MACO1: variants seen among roughly 807,000 people sequenced by gnomAD.
MACO1 encodes macoilin 1.
In MACO1, 14 loss-of-function variants were observed where a neutral mutation model predicts 78.7. That is an observed-to-expected ratio of 0.18 (90% CI 0.12 to 0.28). The LOEUF (loss-of-function observed/expected upper bound fraction) is 0.28, where lower values mean the gene tolerates loss of function less well. MACO1 is among the 10% of genes least tolerant of loss of function. The pLI, the probability that MACO1 is intolerant of heterozygous loss-of-function variation, is 1.00. For synonymous variants in MACO1, 288 were observed against 291.6 expected, an observed-to-expected ratio of 0.99 and a Z score of 0.12; for missense variants, 501 against 799.0, an observed-to-expected ratio of 0.63 and a Z score of 4.50.
In MACO1 at chr1:25,498,510, C is replaced by CATT. The variant is rs575821384; in HGVS notation, c.*45_*47dup. 8.5e-6 allele frequency: 13 copies of CATT among 1,524,126 alleles called. No homozygotes were observed. The highest frequency in any genetic ancestry group is 4.2e-5 in the Admixed American group (2 of 47,384). The allele number at this position is 1,524,126 out of a possible 1,614,324, so 94.4% of individuals were successfully genotyped here. On this transcript the variant is annotated 3_prime_UTR_variant, in exon 11 of 11. Transcript: ENST00000374343. ...GCCCAAAAATTTGGTTACCGGAAGGCATTGCAAAGGAGCGTCTCTGGCAGT... is the reference window on the plus strand; with the variant it reads ...GCCCAAAAATTTGGTTACCGGAAGGCATTATTGCAAAGGAGCGTCTCTGGCAGT...
Position 25,487,858 on chromosome 1 carries a change from A to G in MACO1, c.1497-1315A>G, listed in dbSNP as rs142651023. ...AGTTTGCTGGATTGGGAAGCCAGAA[A>G]ATCTCAGTTCTTATCCCTATTCTAA... On this transcript the variant is annotated intron_variant, in intron 8 of 10. Transcript: ENST00000374343. Among the ~76,000 whole-genome samples the G allele has an allele frequency of 3.9e-3, 587 of 152,250 alleles. 3 individuals carry two copies. The highest frequency in any genetic ancestry group is 0.014 in the African/African-American group (563 of 41,528).
intron 6 of MACO1, among the ~76,000 whole-genome samples, chr1:25,472,390 G>T (rs1176602486): frequency 6.6e-6 from 1 of 151,298 alleles, no homozygotes; most frequent in Non-Finnish European, 1.5e-5. Flanking sequence ...ACAGGCCCCG[G>T]TGTGTGATGT....
intron 1 of MACO1, among the ~76,000 whole-genome samples, chr1:25,438,267 TTAACA>T (rs1441958045): frequency 6.6e-6 from 1 of 152,184 alleles, no homozygotes; most frequent in Non-Finnish European, 1.5e-5. Context: ...AAAAAACCTG[TTAACA>T]TTATATAAAC....
At chr1:25,468,670 A>G (rs935590984) in intron 6 of MACO1, among the ~76,000 whole-genome samples, 13 of 152,188 alleles carry the variant, frequency 8.5e-5, no homozygotes, top group Non-Finnish European at 1.5e-4. Context: ...TTGCTCCCAT[A>G]ATTAGTTCTG....
intron 6 of MACO1, among the ~76,000 whole-genome samples, chr1:25,483,055 T>C (rs1389448358): frequency 2.6e-5 from 4 of 152,332 alleles, no homozygotes; most frequent in Admixed American, 1.3e-4. Context: ...CGTTTGTTTG[T>C]TTTTTGTTTT....
At chr1:25,436,635 G>C (rs1464887291) in intron 1 of MACO1, among the ~76,000 whole-genome samples, 2 of 152,188 alleles carry the variant, frequency 1.3e-5, no homozygotes, top group Non-Finnish European at 2.9e-5. Context: ...GATTTCTTCA[G>C]ATGCTTAAGT....
intron 6 of MACO1, among the ~76,000 whole-genome samples, chr1:25,480,930 ATATATATATATATATATATATATAT>A (rs1478615674): frequency 3.3e-4 from 25 of 75,290 alleles, no homozygotes; most frequent in African/African-American, 1.2e-3. Flanking sequence ...AAAAAAAAAA[ATATATATATATATATATATATATAT>A]ATATATATAT....
chr1:25,473,910 C>T (rs1479053681), intron 6 of MACO1, among the ~76,000 whole-genome samples: 2 of 152,150 alleles, frequency 1.3e-5, no homozygotes, highest in Non-Finnish European at 2.9e-5. Flanking sequence ...TTTCACTTTT[C>T]TTGTTAGAGT....
At chr1:25,451,013 A>G (rs2043060312) in intron 3 of MACO1, among the ~76,000 whole-genome samples, 1 of 152,226 alleles carries the variant, frequency 6.6e-6, no homozygotes, top group South Asian at 2.1e-4. Flanking sequence ...AACCTATTGG[A>G]AACTAGTTCA....
chr1:25,459,019 TACATGA>T, intron 6 of MACO1, 127 bp downstream of exon 6: 7 of 1,247,832 alleles, frequency 5.6e-6, no homozygotes, highest in Non-Finnish European at 6.6e-6. Flanking sequence ...TGTGGTGTTT[TACATGA>T]GTTTGTTGGC....
chr1:25,447,089 T>G, intron 2 of MACO1, among the ~76,000 whole-genome samples, 186 bp downstream of exon 2: 1 of 152,176 alleles, frequency 6.6e-6, no homozygotes, highest in East Asian at 1.9e-4. Context: ...CCTCTCCCAT[T>G]CCAGTGAAAC....
At chr1:25,486,268 A>G (rs2043429997) in intron 8 of MACO1, among the ~76,000 whole-genome samples, 1 of 152,202 alleles carries the variant, frequency 6.6e-6, no homozygotes, top group East Asian at 1.9e-4. Context: ...AATGGATATC[A>G]GCAAACTGTC....
intron 6 of MACO1, among the ~76,000 whole-genome samples, chr1:25,462,396 A>G (rs1165646132): frequency 6.6e-6 from 1 of 151,954 alleles, no homozygotes; most frequent in Admixed American, 6.6e-5. Context: ...TGATCCCATC[A>G]CCTAGACAGT....
chr1:25,449,040 T>C, intron 3 of MACO1, 106 bp downstream of exon 3: 5 of 1,101,454 alleles, frequency 4.5e-6, no homozygotes, highest in Non-Finnish European at 5.9e-6. Context: ...ATGTGGACAT[T>C]TTAAAGTTTT....
chr1:25,441,939 T>G (rs890054526), intron 1 of MACO1, among the ~76,000 whole-genome samples: 9 of 152,306 alleles, frequency 5.9e-5, no homozygotes, highest in South Asian at 2.1e-4. Context: ...ATTATCTGAT[T>G]AGGGCATTGT....
chr1:25,457,455 T>C (rs144609121), intron 5 of MACO1, among the ~76,000 whole-genome samples: 1 of 152,060 alleles, frequency 6.6e-6, no homozygotes, highest in East Asian at 1.9e-4. Context: ...AACAAAATAC[T>C]ATGGAACTAT....
chr1:25,484,229 C>T lies in MACO1; in HGVS notation c.1268C>T (p.Ser423Leu), dbSNP rs1192725301. Residue 423 changes from serine to leucine, a missense_variant, in exon 7 of 11, where the codon TCA (serine) becomes TTA (leucine). By Grantham distance (145) the Ser-to-Leu change is moderately radical. Coordinates refer to ENST00000374343, the MANE Select transcript of MACO1 (RefSeq NM_018202.6). ...SLSSTERGIR[S>L]EMGQLRQENE... ...TCGAGCACCGAGCGAGGGATCCGCT[C>T]AGAAATGGGCCAGCTTCGGCAGGAG... 1 of 1,613,656 alleles carries T rather than the reference C, an allele frequency of 6.2e-7. No individual in the cohort carries two copies. Among genetic ancestry groups the T allele is most frequent in the Non-Finnish European group, 8.5e-7 (1 of 1,179,958 alleles).
At chr1:25,436,791 G>A (rs1319095240) in intron 1 of MACO1, among the ~76,000 whole-genome samples, 1 of 152,100 alleles carries the variant, frequency 6.6e-6, no homozygotes, top group Non-Finnish European at 1.5e-5. Context: ...GCCTTCCAAG[G>A]CACTTGTCTT....
intron 10 of MACO1, among the ~76,000 whole-genome samples, chr1:25,492,991 G>T (rs1019461908): frequency 6.6e-6 from 1 of 152,100 alleles, no homozygotes; most frequent in Admixed American, 6.6e-5. Flanking sequence ...TTTGAGACTA[G>T]CCTGGGGAAC....
Sources: gnomAD v4.1 joint callset for allele counts (sites outside exome capture counted in the v4.1 genomes callset) on GRCh38, gnomAD v4.1.1 for gene constraint, MANE v1.5 for transcripts, NCBI Gene and HGNC (gene_info 2026-07-23, HGNC 2026-07-21) for gene names.